Variants in KLRG1 observed in about 807,000 individuals in gnomAD.
KLRG1 encodes killer cell lectin like receptor G1.
KLRG1 carries 16 observed loss-of-function variants against 21.8 expected under a neutral mutation model. The observed-to-expected ratio is 0.73, with a 90% CI of 0.50 to 1.11. KLRG1 has a LOEUF of 1.11. KLRG1 is among the 50% of genes most tolerant of loss of function. The pLI is 0.00. For synonymous variants in KLRG1, 69 were observed against 75.9 expected (o/e 0.91, Z 0.47); for missense variants, 173 against 218.3 (o/e 0.79, Z 1.31).
At chr12:9,189,633 T>A in the KLRG1 span, among the ~76,000 whole-genome samples, 2 of 152,156 alleles carry the variant, frequency 1.3e-5, no homozygotes, top group African/African-American at 4.8e-5. Context: ...ATGCAAACAT[T>A]GACAAATGGG....
chr12:9,197,474 TA>T, the KLRG1 span, among the ~76,000 whole-genome samples: 1 of 130,466 alleles, frequency 7.7e-6, no homozygotes, highest in Non-Finnish European at 1.5e-5. Context: ...ATATAATATA[TA>T]ATAATATAAT....
the KLRG1 span, among the ~76,000 whole-genome samples, chr12:9,158,179 T>A: frequency 6.6e-6 from 1 of 152,194 alleles, no homozygotes; most frequent in Non-Finnish European, 1.5e-5. Context: ...AGTCTTATAC[T>A]CCTGGGCTCA....
chr12:9,188,613 T>C, the KLRG1 span, among the ~76,000 whole-genome samples: 4 of 152,206 alleles, frequency 2.6e-5, no homozygotes, highest in African/African-American at 7.2e-5. Context: ...TGATTTTATA[T>C]CTAGAAAACC....
At chr12:9,068,640 G>T in the KLRG1 span, 1 of 947,452 alleles carries the variant, frequency 1.1e-6, no homozygotes, top group Non-Finnish European at 1.6e-6. Flanking sequence ...AAGTGATAAT[G>T]TAATTACTTA....
chr12:9,145,963 A>G, the KLRG1 span, among the ~76,000 whole-genome samples: 2 of 152,248 alleles, frequency 1.3e-5, no homozygotes, highest in African/African-American at 4.8e-5. Flanking sequence ...ATTGCTTTGA[A>G]AATTCTCTTT....
chr12:9,109,034 T>TTG, the KLRG1 span, among the ~76,000 whole-genome samples: 83,722 of 151,130 alleles, frequency 0.55, 24,611 homozygotes, highest in African/African-American at 0.75. Context: ...CCTTCCCATT[T>TTG]TGTGTGTGTG....
intron 1 of KLRG1, among the ~76,000 whole-genome samples, chr12:8,963,320 T>G (rs1056168460): frequency 3.9e-5 from 6 of 152,212 alleles, no homozygotes; most frequent in African/African-American, 1.4e-4. Context: ...AAAAGTTAGT[T>G]TTATACAAGG....
In KLRG1 at chr12:9,009,500, T is replaced by C; in HGVS notation, c.533T>C (p.Val178Ala). The change falls in exon 5 of 5, where the codon GTT becomes GCT. Residue 178 changes from valine (V) to alanine (A), a missense_variant. Around this residue, in one of 3 missense-constraint regions of KLRG1, gnomAD observed 26 missense variants for 36.9 expected, o/e 0.70. Transcript: ENST00000356986. ...KNGLQASSCE[V>A]PLHWVCKKVR... ...GGTCTTCAAGCCTCAAGCTGTGAAG[T>C]TCCTTTACACTGGGTGTGTAAGAAG... 1 of 1,613,970 alleles carries C rather than the reference T, an allele frequency of 6.2e-7. No individual in the cohort carries two copies. Among genetic ancestry groups the C allele is most frequent in the African/African-American group, 1.3e-5 (1 of 75,042 alleles).
the KLRG1 span, among the ~76,000 whole-genome samples, chr12:9,044,224 G>A: frequency 6.6e-6 from 1 of 151,890 alleles, no homozygotes; most frequent in African/African-American, 2.4e-5. Context: ...TGATGAAATA[G>A]AAAAAAAGAA....
chr12:9,133,780 G>A, the KLRG1 span, among the ~76,000 whole-genome samples: 1 of 152,146 alleles, frequency 6.6e-6, no homozygotes, highest in African/African-American at 2.4e-5. Context: ...AAAAGTATGA[G>A]GCAAGAGAAT....
chr12:9,135,564 C>T, the KLRG1 span: 1 of 339,976 alleles, frequency 2.9e-6, no homozygotes, highest in Non-Finnish European at 5.5e-6. Flanking sequence ...CCAGCCCTTC[C>T]AAAAACTACA....
At chr12:9,157,937 A>G in the KLRG1 span, 3 of 1,011,292 alleles carry the variant, frequency 3.0e-6, no homozygotes, top group Admixed American at 4.0e-5. Context: ...ATCTGTTTCC[A>G]TTCAAAGTAT....
the KLRG1 span, among the ~76,000 whole-genome samples, chr12:9,049,460 AT>A: frequency 2.6e-5 from 4 of 152,178 alleles, no homozygotes; most frequent in Non-Finnish European, 1.5e-5. Context: ...AAATAAAGGG[AT>A]GTGGTATTTC....
At chr12:9,177,336 A>G in the KLRG1 span, among the ~76,000 whole-genome samples, 1 of 152,196 alleles carries the variant, frequency 6.6e-6, no homozygotes, top group Non-Finnish European at 1.5e-5. Context: ...GCCTCCTGCC[A>G]ATAGCTCTCA....
chr12:9,113,897 C>A, the KLRG1 span, among the ~76,000 whole-genome samples: 3 of 152,174 alleles, frequency 2.0e-5, no homozygotes, highest in African/African-American at 7.2e-5. Context: ...AAAAAGTAAG[C>A]AAGCTCTCAG....
rs535607390 is a variant in KLRG1 at position 8,964,938 on chromosome 12, A to G, written c.-156+14702A>G. Among the ~76,000 whole-genome samples, 140 of 152,108 alleles carry G rather than the reference A, an allele frequency of 9.2e-4. 1 individual carries two copies. The highest frequency in any genetic ancestry group is 1.1e-3 in the Non-Finnish European group (74 of 67,996). ...TTTGAGCCTATGTGTGTCTCTGCACATGAGATGGGTTTCCGGAATACAGCA... is the reference window on the plus strand; with the variant it reads ...TTTGAGCCTATGTGTGTCTCTGCACGTGAGATGGGTTTCCGGAATACAGCA... On this transcript the variant is annotated intron_variant, in intron 1 of 4. Transcript: ENST00000539240.
intron 3 of KLRG1, among the ~76,000 whole-genome samples, chr12:9,002,149 A>G (rs1368293669): frequency 6.6e-6 from 1 of 152,144 alleles, no homozygotes; most frequent in East Asian, 1.9e-4. Context: ...TATTTACATT[A>G]TATTCCCTAA....
chr12:9,164,020 T>A, the KLRG1 span: 1 of 1,397,366 alleles, frequency 7.2e-7, no homozygotes. Flanking sequence ...GAAAAAAAAC[T>A]AACTTTATAG....
At chr12:9,028,143 C>CTTT in the KLRG1 span, 6 of 543,804 alleles carry the variant, frequency 1.1e-5, no homozygotes, top group African/African-American at 2.0e-4. Context: ...GTGTCGTCGT[C>CTTT]TTCTTCTTTT....
Sources: gnomAD v4.1 joint callset for allele counts (sites outside exome capture counted in the v4.1 genomes callset) on GRCh38, gnomAD v4.1.1 for gene constraint, gnomAD v4.1.1 regional missense constraint, MANE v1.5 for transcripts, NCBI Gene and HGNC (gene_info 2026-07-23, HGNC 2026-07-21) for gene names.